Variants in RORA observed in about 807,000 individuals in gnomAD.
RORA encodes the protein nuclear receptor ROR-alpha.
In RORA, 7 loss-of-function variants were observed where a neutral mutation model predicts 69.5. The observed-to-expected ratio is 0.10, with a 90% confidence interval of 0.06 to 0.19. The LOEUF (loss-of-function observed/expected upper bound fraction) is 0.19. Among genes scored for constraint, RORA ranks in the 10% least tolerant of loss-of-function variants. The pLI is 1.00. For missense variants in RORA, 457 were observed against 663.0 expected (o/e 0.69, Z 3.41); for synonymous variants, 261 against 240.8 (o/e 1.08, Z -0.78).
At chr15:60,884,819 T>A (rs2073733456) in intron 1 of RORA, among the ~76,000 whole-genome samples, 1 of 152,214 alleles carries the variant, frequency 6.6e-6, no homozygotes, top group African/African-American at 2.4e-5. Context: ...TAGCTCAAGA[T>A]GAAAACAGCC....
At chr15:61,158,813 C>G (rs2079468452) in intron 1 of RORA, among the ~76,000 whole-genome samples, 1 of 152,134 alleles carries the variant, frequency 6.6e-6, no homozygotes, top group Non-Finnish European at 1.5e-5. Flanking sequence ...AGGAGTGAGT[C>G]ATTCTGAAGC....
chr15:60,740,787 T>C (rs889831621), intron 1 of RORA, among the ~76,000 whole-genome samples: 1 of 152,230 alleles, frequency 6.6e-6, no homozygotes, highest in African/African-American at 2.4e-5. Context: ...CTGCTCTTCA[T>C]AGAGCCTCTC....
chr15:61,037,354 G>A (rs1388795761), intron 1 of RORA, among the ~76,000 whole-genome samples: 1 of 152,194 alleles, frequency 6.6e-6, no homozygotes, highest in African/African-American at 2.4e-5. Context: ...AATGAATACA[G>A]CTAAGCATAA....
chr15:61,214,399 T>C (rs1596077264), intron 1 of RORA, among the ~76,000 whole-genome samples: 1 of 152,218 alleles, frequency 6.6e-6, no homozygotes, highest in East Asian at 1.9e-4. Context: ...ACTTACGTTG[T>C]TGATTTCAAA....
At chr15:60,851,804 T>G (rs903126708) in intron 1 of RORA, among the ~76,000 whole-genome samples, 1 of 151,860 alleles carries the variant, frequency 6.6e-6, no homozygotes, top group Non-Finnish European at 1.5e-5. Context: ...ACAATAGTTT[T>G]CTTCCTCCAG....
rs147127145 is a variant in RORA, at chr15:60,708,051, C to T, written c.167-29365G>A. Among the ~76,000 whole-genome samples, 606 of 152,314 alleles carry T rather than the reference C, an allele frequency of 4.0e-3. 2 individuals are homozygous for T. The highest frequency in any genetic ancestry group is 6.8e-3 in the Admixed American group (104 of 15,306). ...CAGCCTCTCCTTCCAAACTAACTGT[C>T]ACCTCCTTGGACTGAGGCTTAGAGT... On this transcript the variant is annotated intron_variant, in intron 1 of 10. Coordinates refer to ENST00000335670, the MANE Select transcript of RORA (RefSeq NM_134261.3).
chr15:60,936,851 G>C (rs1892538735), intron 1 of RORA, among the ~76,000 whole-genome samples: 1 of 152,200 alleles, frequency 6.6e-6, no homozygotes, highest in South Asian at 2.1e-4. Context: ...AGTCGTTGAG[G>C]ACTGTCTGTA....
At chr15:61,143,898 C>T (rs552081419) in intron 1 of RORA, among the ~76,000 whole-genome samples, 1 of 152,050 alleles carries the variant, frequency 6.6e-6, no homozygotes, top group African/African-American at 2.4e-5. Flanking sequence ...TGCTATCAAT[C>T]AAAAGAGAAA....
chr15:60,533,730 T>G (rs1463545414), intron 2 of RORA, among the ~76,000 whole-genome samples: 2 of 152,188 alleles, frequency 1.3e-5, no homozygotes, highest in African/African-American at 4.8e-5. Flanking sequence ...AGAACCAGCC[T>G]CCTTACCCTG....
chr15:60,952,276 T>C (rs1406302813), intron 1 of RORA, among the ~76,000 whole-genome samples: 8 of 152,086 alleles, frequency 5.3e-5, no homozygotes, highest in Non-Finnish European at 8.8e-5. Context: ...AATTAGGTAT[T>C]GATGGGACGT....
intron 1 of RORA, among the ~76,000 whole-genome samples, chr15:61,076,532 A>G (rs184377434): frequency 2.6e-5 from 4 of 152,402 alleles, no homozygotes; most frequent in Admixed American, 1.3e-4. Flanking sequence ...AGACATGCAT[A>G]GAAAGATAAG....
intron 1 of RORA, among the ~76,000 whole-genome samples, chr15:61,065,999 T>G (rs926369852): frequency 1.3e-5 from 2 of 152,236 alleles, no homozygotes; most frequent in African/African-American, 2.4e-5. Context: ...CTGAATCCCA[T>G]GCTCAATTTT....
chr15:60,851,761 TGAGA>T (rs141360122), intron 1 of RORA, among the ~76,000 whole-genome samples: 2 of 149,442 alleles, frequency 1.3e-5, no homozygotes, highest in East Asian at 3.9e-4. Context: ...AGTGGGTGGG[TGAGA>T]GAGAGAGAGA....
intron 1 of RORA, among the ~76,000 whole-genome samples, chr15:60,981,297 A>G (rs1340278431): frequency 6.6e-6 from 1 of 151,934 alleles, no homozygotes; most frequent in Non-Finnish European, 1.5e-5. Flanking sequence ...GATCTATTCT[A>G]GTTTATCTTA....
chr15:61,168,522 G>A (rs2079557790), intron 1 of RORA, among the ~76,000 whole-genome samples: 1 of 152,086 alleles, frequency 6.6e-6, no homozygotes, highest in Admixed American at 6.6e-5. Flanking sequence ...GCCTCCCAAA[G>A]TGCTGGGATT....
intron 1 of RORA, among the ~76,000 whole-genome samples, chr15:61,076,696 C>T (rs2078454762): frequency 6.6e-6 from 1 of 152,170 alleles, no homozygotes; most frequent in African/African-American, 2.4e-5. Context: ...GATGTTACAA[C>T]TGTATTTAAT....
intron 2 of RORA, chr15:60,600,988 C>T (rs1053202524): frequency 2.0e-5 from 3 of 152,018 alleles, no homozygotes; most frequent in Non-Finnish European, 4.4e-5. Flanking sequence ...AACTGGGGCA[C>T]AGAGAAATTA....
At chr15:60,895,794 G>A (rs1330692065) in intron 1 of RORA, among the ~76,000 whole-genome samples, 1 of 152,072 alleles carries the variant, frequency 6.6e-6, no homozygotes, top group African/African-American at 2.4e-5. Flanking sequence ...TATAAGCTAG[G>A]GCTCTTACTT....
intron 1 of RORA, among the ~76,000 whole-genome samples, chr15:61,115,134 GT>G (rs2140796680): frequency 6.6e-6 from 1 of 152,270 alleles, no homozygotes; most frequent in Admixed American, 6.5e-5. Flanking sequence ...GCACCCACGG[GT>G]TTAGAGTCTT....
Sources: allele counts gnomAD v4.1 joint callset (sites outside exome capture counted in the v4.1 genomes callset), GRCh38; gene constraint gnomAD v4.1.1; transcripts MANE v1.5; gene names NCBI Gene and HGNC (gene_info 2026-07-23, HGNC 2026-07-21).